LPIN3: variants seen among roughly 807,000 people sequenced by gnomAD.
LPIN3 encodes the protein phosphatidate phosphatase LPIN3.
In LPIN3, 82 loss-of-function variants were observed where a neutral mutation model predicts 94.7. That is an observed-to-expected ratio of 0.87 (90% CI 0.72 to 1.04). The LOEUF (loss-of-function observed/expected upper bound fraction) is 1.04. Ranked by LOEUF, LPIN3 falls within the 50% of genes least tolerant of loss-of-function variation. The pLI, the probability that LPIN3 is intolerant of heterozygous loss-of-function variation, is 0.00. For synonymous variants in LPIN3, 418 were observed against 443.3 expected (o/e 0.94, Z 0.72); for missense variants, 996 against 1,090.5 (o/e 0.91, Z 1.22).
chr20:41,352,040 G>C lies in LPIN3; in HGVS notation c.1203-20G>C. ...CCGCCCTCCTCGTATTCTTGTCATT[G>C]TTGGCCCCTTTGCCTGCAGTGACTC... On this transcript the variant is annotated intron_variant, in intron 8 of 19. Coordinates refer to ENST00000373257, the MANE Select transcript of LPIN3 (RefSeq NM_022896.3). 2 of 1,614,124 alleles carry C rather than the reference G, an allele frequency of 1.2e-6. No homozygotes were observed. Among genetic ancestry groups the C allele is most frequent in the Admixed American group, 1.7e-5 (1 of 60,036 alleles).
intron 11 of LPIN3, among the ~76,000 whole-genome samples, chr20:41,354,242 G>C (rs2046127777): frequency 6.6e-6 from 1 of 152,224 alleles, no homozygotes; most frequent in Admixed American, 6.5e-5. Flanking sequence ...GGCAGTCTTG[G>C]AGGTTGAGGG....
intron 17 of LPIN3, 71 bp downstream of exon 17, chr20:41,358,105 T>A: frequency 6.3e-7 from 1 of 1,576,252 alleles, no homozygotes; most frequent in Non-Finnish European, 8.6e-7. Context: ...CAGGCCAGCC[T>A]TAGCAGGCTG....
intron 1 of LPIN3, among the ~76,000 whole-genome samples, chr20:41,342,656 G>T (rs2045625288): frequency 7.1e-6 from 1 of 141,364 alleles, no homozygotes; most frequent in Non-Finnish European, 1.6e-5. Context: ...AAAATGCTGA[G>T]CAGGCAGATG....
At chr20:41,355,249 G>T (rs1188995186) in intron 13 of LPIN3, among the ~76,000 whole-genome samples, 5 of 152,188 alleles carry the variant, frequency 3.3e-5, no homozygotes, top group Non-Finnish European at 5.9e-5. Context: ...CTGACCTCAG[G>T]TGATCTGCCC....
At chr20:41,347,479 A>G in intron 2 of LPIN3, 73 bp from the exon 3 acceptor site, 1 of 1,449,578 alleles carries the variant, frequency 6.9e-7, no homozygotes, top group Admixed American at 1.7e-5. Context: ...CCACTGGAGG[A>G]CCAGCCAGGA....
rs745499143 is a variant in LPIN3 at position 41,355,983 on chromosome 20, A to G, written c.1752A>G (p.Pro584=). The change falls in exon 14 of 20, where the codon CCA becomes CCG. Residue 584 remains proline (P), a synonymous_variant. Coordinates refer to ENST00000373257, the MANE Select transcript of LPIN3 (RefSeq NM_022896.3). ...TCCCCTCCTTGCCACCCTCCACTCCACCCTCCACTCCTACCTACAAGAAGT... is the reference window on the plus strand; with the variant it reads ...TCCCCTCCTTGCCACCCTCCACTCCGCCCTCCACTCCTACCTACAAGAAGT... ...LEIPSLPPST[P]PSTPTYKKSL... is the part of the protein sequence containing the mutation. 1.7e-5 allele frequency: 28 copies of G among 1,610,846 alleles called. No individual in the cohort carries two copies. Among genetic ancestry groups the G allele is most frequent in the East Asian group, 1.3e-4 (6 of 44,650 alleles).
chr20:41,354,241 G>A (rs2046127659), intron 11 of LPIN3, among the ~76,000 whole-genome samples: 1 of 152,316 alleles, frequency 6.6e-6, no homozygotes, highest in South Asian at 2.1e-4. Context: ...GGGCAGTCTT[G>A]GAGGTTGAGG....
Position 41,358,834 on chromosome 20 carries a change from C to T in LPIN3, c.2524C>T (p.Leu842=). The change falls in exon 20 of 20, where the codon CTG becomes TTG. Residue 842 remains leucine, a synonymous_variant. Transcript: ENST00000373257. ...YSNFCYWREP[L]PAVDLDTLD ...TAACTTCTGCTACTGGCGGGAGCCACTGCCTGCTGTGGACCTTGATACCCT... is the reference window on the plus strand; with the variant it reads ...TAACTTCTGCTACTGGCGGGAGCCATTGCCTGCTGTGGACCTTGATACCCT... 1 of 1,614,070 alleles carries T rather than the reference C, an allele frequency of 6.2e-7. No individual in the cohort carries two copies. Among genetic ancestry groups the T allele is most frequent in the Non-Finnish European group, 8.5e-7 (1 of 1,180,004 alleles).
intron 11 of LPIN3, among the ~76,000 whole-genome samples, chr20:41,354,425 C>T (rs1048854659): frequency 1.2e-4 from 18 of 152,118 alleles, no homozygotes; most frequent in African/African-American, 4.3e-4. Context: ...GGGCTGGGGG[C>T]AGGAATAGCC....
Position 41,350,156 on chromosome 20 carries a change from G to C in LPIN3, c.861G>C (p.Val287=), listed in dbSNP as rs570482786. 3.4e-4 allele frequency: 545 copies of C among 1,612,614 alleles called. 5 individuals carry two copies. In the South Asian group the frequency reaches 5.8e-3, roughly 17 times the overall value. Residue 287 remains valine (V), a synonymous_variant, in exon 7 of 20, where the codon GTG becomes GTC. Transcript: ENST00000373257. ...RGGPSTPSTS[V]AGGVDPLGLP... The stretch of plus-strand genomic sequence containing the variant: ...GACCCAGCACTCCCTCTACCTCTGT[G>C]GCTGGCGGCGTGGACCCTTTGGGAC...
chr20:41,343,009 G>A (rs537205823), intron 1 of LPIN3, among the ~76,000 whole-genome samples: 174 of 152,202 alleles, frequency 1.1e-3, no homozygotes, highest in African/African-American at 3.9e-3. Flanking sequence ...TGTCCCCCAG[G>A]AGACATTTAA....
intron 13 of LPIN3, among the ~76,000 whole-genome samples, chr20:41,355,376 GAC>G (rs1346175685): frequency 6.6e-6 from 1 of 152,214 alleles, no homozygotes; most frequent in Admixed American, 6.5e-5. Context: ...GAGGCCTAGA[GAC>G]ACATTTCCTG....
chr20:41,343,709 A>C (rs1358311397), intron 1 of LPIN3, among the ~76,000 whole-genome samples: 1 of 152,228 alleles, frequency 6.6e-6, no homozygotes, highest in Admixed American at 6.5e-5. Flanking sequence ...GGAACACAAA[A>C]GCAGTTCCTT....
intron 11 of LPIN3, 101 bp from the exon 12 acceptor site, chr20:41,354,544 G>C: frequency 8.7e-7 from 1 of 1,149,454 alleles, no homozygotes; most frequent in Non-Finnish European, 1.2e-6. Context: ...CCTAGGGTTG[G>C]CTCAGACTCT....
intron 5 of LPIN3, among the ~76,000 whole-genome samples, chr20:41,349,527 T>C (rs893824890): frequency 6.6e-6 from 1 of 152,120 alleles, no homozygotes; most frequent in Non-Finnish European, 1.5e-5. Flanking sequence ...TTCTTTTTTT[T>C]TCCTTCCTTC....
At chr20:41,353,634 C>T (rs1207127118) in intron 11 of LPIN3, among the ~76,000 whole-genome samples, 1 of 152,234 alleles carries the variant, frequency 6.6e-6, no homozygotes, top group Non-Finnish European at 1.5e-5. Context: ...CCCAGAACCT[C>T]TTCCCTGGTC....
chr20:41,348,493 C>T (rs984854681), intron 3 of LPIN3, 126 bp from the exon 4 acceptor site: 53 of 1,408,964 alleles, frequency 3.8e-5, no homozygotes, highest in Admixed American at 8.2e-5. Flanking sequence ...GCCTCCACAC[C>T]TGTTTTCCTG....
At position 41,359,047 on chromosome 20, in the gene LPIN3, A is replaced by G. The variant is rs148889010; in HGVS notation, c.*181A>G. On this transcript the variant is annotated 3_prime_UTR_variant, in exon 20 of 20. Coordinates refer to ENST00000373257, the MANE Select transcript of LPIN3 (RefSeq NM_022896.3). ...CTTCCCCGTCATATTTTTGCCAGCT[A>G]AGCTGCAGCTGCTCCAGGCGTCAGT... is the stretch of plus-strand genomic sequence containing the variant. The G allele has an allele frequency of 1.1e-3, 745 of 671,102 alleles. 7 individuals are homozygous for G. The East Asian group carries it at 0.019, about 17-fold the overall frequency. 41.6% of individuals were successfully genotyped at this position (671,102 alleles called of 1,614,324 possible).
In LPIN3 at chr20:41,345,938, C is replaced by T; in HGVS notation, c.135C>T (p.Cys45=). 2 of 1,614,126 alleles carry T rather than the reference C, an allele frequency of 1.2e-6. No homozygotes were observed. The highest frequency in any genetic ancestry group is 1.7e-6 in the Non-Finnish European group (2 of 1,180,028). The change falls in exon 2 of 20, where the codon TGC becomes TGT. Residue 45 remains cysteine, a synonymous_variant. Coordinates refer to ENST00000373257, the MANE Select transcript of LPIN3 (RefSeq NM_022896.3). ...AGCAGGTGGACGGCTCGTTCCGGTG[C>T]TCACCCTTCCACGTGCGTTTTGGCA... The part of the protein sequence containing the change: ...VVKQVDGSFR[C]SPFHVRFGKL...
Sources: gnomAD v4.1 joint callset for allele counts (sites outside exome capture counted in the v4.1 genomes callset) on GRCh38, gnomAD v4.1.1 for gene constraint, MANE v1.5 for transcripts, NCBI Gene and HGNC (gene_info 2026-07-23, HGNC 2026-07-21) for gene names.